MROH9: variants seen among roughly 807,000 people sequenced by gnomAD.
MROH9 encodes maestro heat-like repeat-containing protein family member 9.
MROH9 carries 92 observed loss-of-function variants against 98.2 expected under a neutral mutation model. That is an observed-to-expected ratio of 0.94 (90% confidence interval 0.79 to 1.11). The LOEUF (loss-of-function observed/expected upper bound fraction) is 1.11. Ranked by LOEUF, MROH9 falls within the 50% of genes most tolerant of loss-of-function variation. The pLI, the probability that MROH9 is intolerant of heterozygous loss-of-function variation, is 0.00. For synonymous variants in MROH9, 397 were observed against 368.9 expected (o/e 1.08, Z -0.87); for missense variants, 1,057 against 1,014.8 (o/e 1.04, Z -0.57).
At position 171,041,408 on chromosome 1, in the gene MROH9, TACAC is replaced by T. The variant is rs137951871; in HGVS notation, c.2281+16014_2281+16017del. On this transcript the variant is annotated intron_variant, in intron 20 of 21. Coordinates refer to ENST00000367759, the MANE Select transcript of MROH9 (RefSeq NM_001163629.2). ...GTGTGTATGTATTGGTCAAGATACA[TACAC>T]ACACACACACACACACACACACACA... 3.7e-4 allele frequency among the ~76,000 whole-genome samples: 38 copies of T among 103,040 alleles called. 3 individuals are homozygous for T. Among genetic ancestry groups the T allele is most frequent in the South Asian group, 9.0e-4 (2 of 2,230 alleles). 67.6% of individuals were successfully genotyped at this position (103,040 alleles called of 152,430 possible). A position where few individuals can be genotyped will look rare whatever the true frequency, so the allele number is the denominator to read the frequency against.
At chr1:170,950,253 G>A (rs1411557684) in intron 3 of MROH9, among the ~76,000 whole-genome samples, 1 of 152,038 alleles carries the variant, frequency 6.6e-6, no homozygotes, top group East Asian at 1.9e-4. Context: ...AACAAACAAT[G>A]AAGTTGAAGA....
At chr1:171,055,801 A>G (rs967207702) in intron 20 of MROH9, among the ~76,000 whole-genome samples, 7 of 152,056 alleles carry the variant, frequency 4.6e-5, no homozygotes, top group Non-Finnish European at 1.0e-4. Context: ...ACTGGCAACC[A>G]AGGTAACCAG....
chr1:171,027,679 A>G (rs1262573308), intron 20 of MROH9, among the ~76,000 whole-genome samples: 2 of 152,188 alleles, frequency 1.3e-5, no homozygotes, highest in Non-Finnish European at 2.9e-5. Context: ...CAACAGTGTA[A>G]AAGTGTTCCT....
chr1:171,051,251 C>T (rs184361922), intron 20 of MROH9, among the ~76,000 whole-genome samples: 18 of 152,112 alleles, frequency 1.2e-4, no homozygotes, highest in Admixed American at 2.0e-4. Flanking sequence ...TATACCCAAA[C>T]GAGCATAAAT....
At position 171,061,583 on chromosome 1, in the gene MROH9, CAT is replaced by C. The variant is rs1158294955; in HGVS notation, c.2282-545_2282-544del. ...AGTAAATATTTTAGACTTTGAGTAC[CAT>C]ATAGTCTCTGTTGCAACTCTGCTGT... is the stretch of plus-strand genomic sequence containing the variant. On this transcript the variant is annotated intron_variant, in intron 20 of 21. Coordinates refer to ENST00000367759, the MANE Select transcript of MROH9 (RefSeq NM_001163629.2). 7.2e-5 allele frequency among the ~76,000 whole-genome samples: 11 copies of C among 152,230 alleles called. No individual in the cohort carries two copies. The East Asian group carries it at 1.9e-3, about 27-fold the overall frequency.
At chr1:171,056,596 CT>C (rs1417532654) in intron 20 of MROH9, among the ~76,000 whole-genome samples, 2 of 152,102 alleles carry the variant, frequency 1.3e-5, no homozygotes, top group African/African-American at 4.8e-5. Context: ...GGGTTTCCCC[CT>C]AGCAAAGCAC....
intron 1 of MROH9, among the ~76,000 whole-genome samples, chr1:170,937,764 C>A (rs921515012): frequency 6.6e-6 from 1 of 152,004 alleles, no homozygotes; most frequent in Admixed American, 6.5e-5. Context: ...ACCTCGTGAT[C>A]CGCCCGCCTC....
intron 3 of MROH9, among the ~76,000 whole-genome samples, chr1:170,958,054 C>T (rs1483826607): frequency 6.6e-6 from 1 of 152,154 alleles, no homozygotes; most frequent in South Asian, 2.1e-4. Flanking sequence ...CGTGGTCCCC[C>T]CGCCTCGGCC....
At chr1:171,043,843 A>T (rs1339881177) in intron 20 of MROH9, among the ~76,000 whole-genome samples, 1 of 151,974 alleles carries the variant, frequency 6.6e-6, no homozygotes, top group Non-Finnish European at 1.5e-5. Context: ...ACTTTACTGG[A>T]TTATCAGTTC....
At chr1:171,027,625 G>T (rs1652763689) in intron 20 of MROH9, among the ~76,000 whole-genome samples, 1 of 152,146 alleles carries the variant, frequency 6.6e-6, no homozygotes, top group Non-Finnish European at 1.5e-5. Context: ...TTGAGGAATT[G>T]TCATACTGTA....
intron 7 of MROH9, among the ~76,000 whole-genome samples, chr1:170,967,938 C>T (rs1286193816): frequency 6.6e-6 from 1 of 152,116 alleles, no homozygotes; most frequent in East Asian, 1.9e-4. Flanking sequence ...TCTCCTTCTC[C>T]TCCAGAGTCC....
chr1:170,976,656 TA>T (rs1296502518), intron 8 of MROH9, among the ~76,000 whole-genome samples: 10 of 152,024 alleles, frequency 6.6e-5, no homozygotes, highest in Admixed American at 5.9e-4. Context: ...CTGAGGCATA[TA>T]AAAAAATGAT....
At position 171,024,033 on chromosome 1, in the gene MROH9, A is replaced by G. The variant is rs530031543; in HGVS notation, c.1909-362A>G. ...TCTTTCTGTCCCTGACTGATTTCAA[A>G]TAGCATGATGTCCTCCAAGTTCATC... On this transcript the variant is annotated intron_variant, in intron 17 of 21. Coordinates refer to ENST00000367759, the MANE Select transcript of MROH9 (RefSeq NM_001163629.2). 1.7e-4 allele frequency among the ~76,000 whole-genome samples: 26 copies of G among 152,290 alleles called. 1 individual carries two copies. In the South Asian group the frequency reaches 4.4e-3, roughly 25 times the overall value.
intron 8 of MROH9, among the ~76,000 whole-genome samples, chr1:170,976,953 T>C (rs1650724162): frequency 6.6e-6 from 1 of 152,030 alleles, no homozygotes; most frequent in Non-Finnish European, 1.5e-5. Context: ...CTTTTTTTTC[T>C]TTTTTTTCTG....
chr1:171,027,656 T>C (rs915866683), intron 20 of MROH9, among the ~76,000 whole-genome samples: 2 of 152,228 alleles, frequency 1.3e-5, no homozygotes, highest in Non-Finnish European at 2.9e-5. Context: ...GTTGAAATAA[T>C]TTACATTCCC....
In MROH9 at chr1:171,025,873, C is replaced by G. The variant is rs189708861; in HGVS notation, c.2281+453C>G. ...CAGGCAGGGGCAACCCAGGAAGACTCTAAGACTAGACAAGTTTTTTATATC... is the reference window on the plus strand; with the variant it reads ...CAGGCAGGGGCAACCCAGGAAGACTGTAAGACTAGACAAGTTTTTTATATC... On this transcript the variant is annotated intron_variant, in intron 20 of 21. Transcript: ENST00000367759. Among the ~76,000 whole-genome samples the G allele has an allele frequency of 2.9e-3, 432 of 150,202 alleles. 4 individuals are homozygous for G. Among genetic ancestry groups the G allele is most frequent in the Non-Finnish European group, 5.4e-3 (362 of 66,844 alleles).
At chr1:170,940,198 T>C (rs1649070475) in intron 1 of MROH9, among the ~76,000 whole-genome samples, 1 of 152,180 alleles carries the variant, frequency 6.6e-6, no homozygotes, top group African/African-American at 2.4e-5. Context: ...CCTTTAACCT[T>C]AGAAGGGATA....
chr1:170,956,596 T>G (rs28843469), intron 3 of MROH9, among the ~76,000 whole-genome samples: 76 of 21,836 alleles, frequency 3.5e-3, no homozygotes, highest in South Asian at 0.022. Context: ...TTTTTTTTTG[T>G]TTTTTTTTTT....
intron 15 of MROH9, among the ~76,000 whole-genome samples, chr1:171,008,168 A>G (rs1000588831): frequency 1.3e-5 from 2 of 152,174 alleles, no homozygotes; most frequent in Admixed American, 1.3e-4. Flanking sequence ...ATACACTGTT[A>G]TTAGCCATTG....
Sources: allele counts gnomAD v4.1 joint callset (sites outside exome capture counted in the v4.1 genomes callset), GRCh38; gene constraint gnomAD v4.1.1; transcripts MANE v1.5; gene names NCBI Gene and HGNC (gene_info 2026-07-23, HGNC 2026-07-21).